The following ABAT variants were observed in gnomAD, a reference collection of about 807,000 sequenced individuals.
The protein encoded by ABAT is 4-aminobutyrate aminotransferase, mitochondrial.
A neutral mutation model predicts 64.6 loss-of-function variants in ABAT; 45 were observed. The observed-to-expected ratio is 0.70, with a 90% CI of 0.55 to 0.89. The LOEUF is 0.89. ABAT is among the 40% of genes least tolerant of loss of function. ABAT has a pLI of 0.00. For synonymous variants in ABAT, 297 were observed against 250.5 expected (o/e 1.19, Z -1.75); for missense variants, 633 against 658.4 (o/e 0.96, Z 0.42).
chr16:8,679,676 C>G (rs894478370), intron 1 of ABAT, among the ~76,000 whole-genome samples: 3 of 152,030 alleles, frequency 2.0e-5, no homozygotes, highest in Non-Finnish European at 2.9e-5. Context: ...GCCTTTTTCT[C>G]TGCTTGCCTG....
chr16:8,729,145 G>GAAA (rs56095207), intron 1 of ABAT, among the ~76,000 whole-genome samples: 3 of 145,786 alleles, frequency 2.1e-5, no homozygotes, highest in Admixed American at 6.8e-5. Flanking sequence ...TGGCTCTACT[G>GAAA]AAAAAAAAAA....
At chr16:8,778,185 C>T (rs1040942556) in intron 14 of ABAT, among the ~76,000 whole-genome samples, 6 of 152,156 alleles carry the variant, frequency 3.9e-5, no homozygotes, top group East Asian at 1.9e-4. Flanking sequence ...AGACTAGGCA[C>T]CTGCATTTGT....
In ABAT at chr16:8,768,805, TTC is replaced by T; in HGVS notation, c.668-18_668-17del. 1 of 1,614,094 alleles carries T rather than the reference TTC, an allele frequency of 6.2e-7. No individual in the cohort carries two copies. Among genetic ancestry groups the T allele is most frequent in the Non-Finnish European group, 8.5e-7 (1 of 1,180,018 alleles). ...GCTTCCCCAAGCCAAGCGTCTGCTT[TTC>T]TGTTTTGCTGAACTCAGGTTGCTTA... On this transcript the variant is annotated intron_variant, in intron 10 of 15. Coordinates refer to ENST00000268251, the MANE Select transcript of ABAT (RefSeq NM_020686.6).
At chr16:8,712,137 A>G (rs934093881) in intron 1 of ABAT, among the ~76,000 whole-genome samples, 37 of 152,084 alleles carry the variant, frequency 2.4e-4, no homozygotes, top group Non-Finnish European at 4.1e-4. Flanking sequence ...AGGCTGAGGC[A>G]GGAGAATCAC....
chr16:8,730,575 T>C (rs771090917), intron 1 of ABAT, among the ~76,000 whole-genome samples: 7 of 152,150 alleles, frequency 4.6e-5, no homozygotes, highest in Non-Finnish European at 1.0e-4. Flanking sequence ...TCTGTATTTA[T>C]CACCTCTGGT....
intron 1 of ABAT, among the ~76,000 whole-genome samples, chr16:8,718,083 G>C (rs28679855): frequency 6.6e-6 from 1 of 152,198 alleles, no homozygotes; most frequent in Non-Finnish European, 1.5e-5. Context: ...CACAGGATAA[G>C]CCACAACCCT....
At chr16:8,705,934 C>T (rs184813524) in intron 1 of ABAT, among the ~76,000 whole-genome samples, 8 of 152,256 alleles carry the variant, frequency 5.3e-5, no homozygotes, top group East Asian at 3.9e-4. Flanking sequence ...ACAGTGGAAT[C>T]GCAACAATTT....
chr16:8,678,272 T>G (rs1294945584), intron 1 of ABAT, among the ~76,000 whole-genome samples: 1 of 152,204 alleles, frequency 6.6e-6, no homozygotes, highest in African/African-American at 2.4e-5. Context: ...CTCTAACTCC[T>G]AGGCTTAAGC....
chr16:8,738,163 A>C (rs1431571775), intron 2 of ABAT, among the ~76,000 whole-genome samples: 1 of 151,542 alleles, frequency 6.6e-6, no homozygotes, highest in Non-Finnish European at 1.5e-5. Flanking sequence ...TCTGTGAAAA[A>C]TACAAAACTT....
At chr16:8,678,400 C>A (rs1163050948) in intron 1 of ABAT, among the ~76,000 whole-genome samples, 1 of 152,178 alleles carries the variant, frequency 6.6e-6, no homozygotes, top group Non-Finnish European at 1.5e-5. Context: ...CTACACAGGA[C>A]CTTATCATCT....
chr16:8,770,230 T>C (rs538243903), intron 11 of ABAT, among the ~76,000 whole-genome samples: 4 of 150,704 alleles, frequency 2.7e-5, no homozygotes, highest in African/African-American at 9.8e-5. Flanking sequence ...CTCCGCCTCC[T>C]GGGTTCATGC....
intron 1 of ABAT, among the ~76,000 whole-genome samples, chr16:8,723,006 AG>A (rs551290209): frequency 6.6e-6 from 1 of 152,216 alleles, no homozygotes; most frequent in South Asian, 2.1e-4. Context: ...TGGGAGGCCG[AG>A]GGATCACTTG....
At position 8,723,287 on chromosome 16, in the gene ABAT, T is replaced by A. The variant is rs968103010; in HGVS notation, c.-41-12412T>A. ...GCTATTTAGGATATCATTGCCTTCA[T>A]CCAGGAGAAGGATGATGGCAAGTTG... On this transcript the variant is annotated intron_variant, in intron 1 of 15. Transcript: ENST00000268251. 1.1e-4 allele frequency among the ~76,000 whole-genome samples: 16 copies of A among 152,274 alleles called. 1 individual carries two copies. Among genetic ancestry groups the A allele is most frequent in the African/African-American group, 3.8e-4 (16 of 41,562 alleles).
At chr16:8,753,822 C>T (rs1245021187) in intron 5 of ABAT, among the ~76,000 whole-genome samples, 1 of 152,122 alleles carries the variant, frequency 6.6e-6, no homozygotes, top group Admixed American at 6.6e-5. Context: ...TCCGTCTTCT[C>T]GACCAGACAG....
At chr16:8,762,689 C>T (rs976912003) in intron 6 of ABAT, among the ~76,000 whole-genome samples, 1 of 152,214 alleles carries the variant, frequency 6.6e-6, no homozygotes, top group African/African-American at 2.4e-5. Context: ...GCCAGCCAGC[C>T]CTACCCTTCT....
intron 1 of ABAT, among the ~76,000 whole-genome samples, chr16:8,733,856 A>C (rs954459593): frequency 1.3e-5 from 2 of 152,154 alleles, no homozygotes; most frequent in Non-Finnish European, 2.9e-5. Flanking sequence ...ATCTTAATCT[A>C]CTTTAGGTTT....
intron 1 of ABAT, among the ~76,000 whole-genome samples, chr16:8,687,525 A>T (rs373765713): frequency 7.9e-4 from 121 of 152,312 alleles, no homozygotes; most frequent in African/African-American, 2.7e-3. Flanking sequence ...ACTCCATCTC[A>T]AAAAACAAAA....
chr16:8,762,959 A>G (rs769203791), intron 6 of ABAT, among the ~76,000 whole-genome samples: 5 of 151,912 alleles, frequency 3.3e-5, no homozygotes, highest in Middle Eastern at 6.8e-3. Context: ...AATACAAAAA[A>G]TTAGCTGGGT....
chr16:8,735,046 T>TAA (rs34887951), intron 1 of ABAT, among the ~76,000 whole-genome samples: 63 of 147,592 alleles, frequency 4.3e-4, no homozygotes, highest in East Asian at 2.6e-3. Flanking sequence ...CATCTCTACT[T>TAA]AAAAAAAAAA....
Sources: allele counts gnomAD v4.1 joint callset (sites outside exome capture counted in the v4.1 genomes callset), GRCh38; gene constraint gnomAD v4.1.1; transcripts MANE v1.5; gene names NCBI Gene and HGNC (gene_info 2026-07-23, HGNC 2026-07-21).